The following MEOX2 variants were observed in gnomAD, a reference collection of about 807,000 sequenced individuals.
The protein encoded by MEOX2 is mesenchyme homeobox 2.
MEOX2 carries 11 observed loss-of-function variants against 27.0 expected under a neutral mutation model. That is an observed-to-expected ratio of 0.41 (90% CI 0.26 to 0.68). MEOX2 has a LOEUF of 0.68. Among genes scored for constraint, MEOX2 ranks in the 30% least tolerant of loss-of-function variants. MEOX2 has a pLI of 0.33. For synonymous variants in MEOX2, 189 were observed against 155.4 expected, an observed-to-expected ratio of 1.22 and a Z score of -1.61; for missense variants, 436 against 385.4, an observed-to-expected ratio of 1.13 and a Z score of -1.10.
intron 1 of MEOX2, among the ~76,000 whole-genome samples, chr7:15,630,690 A>G (rs948291704): frequency 2.0e-5 from 3 of 152,028 alleles, no homozygotes; most frequent in African/African-American, 7.2e-5. Context: ...TTCATTATTT[A>G]TTAACAAAAC....
intron 1 of MEOX2, among the ~76,000 whole-genome samples, chr7:15,642,233 C>G (rs1191113448): frequency 1.3e-5 from 2 of 152,158 alleles, no homozygotes; most frequent in African/African-American, 2.4e-5. Flanking sequence ...TTTGTCTTCT[C>G]TCTCTGGAGA....
At position 15,612,373 on chromosome 7, in the gene MEOX2, G is replaced by C. The variant is rs773231199; in HGVS notation, c.*14C>G. ...CATTTCTTTCCTGAGAATGGAGCTG[G>C]TCCTCTGTTTATATCATAAGTGCGC... is the stretch of plus-strand genomic sequence containing the variant. On this transcript the variant is annotated 3_prime_UTR_variant, in exon 3 of 3. Transcript: ENST00000262041. The C allele has an allele frequency of 1.2e-5, 20 of 1,603,576 alleles. No homozygotes were observed. In the East Asian group the frequency reaches 4.5e-4, roughly 36 times the overall value.
intron 1 of MEOX2, among the ~76,000 whole-genome samples, chr7:15,658,461 T>C (rs1199153932): frequency 6.6e-6 from 1 of 152,202 alleles, no homozygotes; most frequent in Non-Finnish European, 1.5e-5. Flanking sequence ...AAACATCTGT[T>C]AGACATTTTT....
At chr7:15,644,735 A>G (rs1562603818) in intron 1 of MEOX2, among the ~76,000 whole-genome samples, 1 of 152,186 alleles carries the variant, frequency 6.6e-6, no homozygotes, top group Non-Finnish European at 1.5e-5. Flanking sequence ...GCAATATATG[A>G]ATCTTTTTCT....
At chr7:15,624,072 T>C (rs1340214503) in intron 2 of MEOX2, among the ~76,000 whole-genome samples, 1 of 152,254 alleles carries the variant, frequency 6.6e-6, no homozygotes, top group African/African-American at 2.4e-5. Context: ...GAGCAGGTTT[T>C]AATTTCCATT....
At chr7:15,645,619 A>G (rs1331709804) in intron 1 of MEOX2, among the ~76,000 whole-genome samples, 1 of 150,514 alleles carries the variant, frequency 6.6e-6, no homozygotes. Context: ...ATTGGTTGGT[A>G]AAAAACACCC....
At position 15,611,686 on chromosome 7, in the gene MEOX2, A is replaced by C. The variant is rs1208097016; in HGVS notation, c.*701T>G. The C allele has an allele frequency of 6.6e-6, 1 of 152,646 alleles. No individual in the cohort carries two copies. Among genetic ancestry groups the C allele is most frequent in the Non-Finnish European group, 1.5e-5 (1 of 68,058 alleles). 9.5% of individuals were successfully genotyped at this position (152,646 alleles called of 1,614,324 possible). On this transcript the variant is annotated 3_prime_UTR_variant, in exon 3 of 3. Transcript: ENST00000262041. The stretch of plus-strand genomic sequence containing the variant: ...CTCTACTGTATTTTTCTCTACTTGA[A>C]CACAGGTAAGCACATACTGATTGTC...
intron 1 of MEOX2, among the ~76,000 whole-genome samples, chr7:15,684,521 T>G (rs1415926583): frequency 6.6e-6 from 1 of 152,188 alleles, no homozygotes; most frequent in Non-Finnish European, 1.5e-5. Flanking sequence ...AGTTAGCTTT[T>G]GAGACCGTGA....
At chr7:15,635,084 T>A (rs57008829) in intron 1 of MEOX2, among the ~76,000 whole-genome samples, 2 of 151,896 alleles carry the variant, frequency 1.3e-5, no homozygotes, top group African/African-American at 4.8e-5. Flanking sequence ...TTAATAAATA[T>A]TAACTTTGTA....
intron 1 of MEOX2, chr7:15,681,031 T>G (rs1782284888): frequency 6.6e-6 from 1 of 150,674 alleles, no homozygotes; most frequent in Non-Finnish European, 1.5e-5. Flanking sequence ...AAAAAAAAAG[T>G]GAGAAAAATA....
At chr7:15,664,216 C>T (rs918653819) in intron 1 of MEOX2, among the ~76,000 whole-genome samples, 3 of 152,074 alleles carry the variant, frequency 2.0e-5, no homozygotes, top group East Asian at 1.9e-4. Context: ...CAAAAATATG[C>T]TTTTAAATTT....
chr7:15,685,865 G>A (rs1406051680), intron 1 of MEOX2, 21 bp downstream of exon 1: 1 of 1,565,268 alleles, frequency 6.4e-7, no homozygotes. Flanking sequence ...GCACTCTCGA[G>A]GGTGCCTGGC....
At chr7:15,617,681 G>A (rs80131614) in intron 2 of MEOX2, among the ~76,000 whole-genome samples, 1 of 151,970 alleles carries the variant, frequency 6.6e-6, no homozygotes, top group Non-Finnish European at 1.5e-5. Flanking sequence ...TGGGGAGGCT[G>A]TGGAGGGTTA....
intron 1 of MEOX2, among the ~76,000 whole-genome samples, chr7:15,652,117 C>A (rs1347807897): frequency 6.6e-6 from 1 of 151,964 alleles, no homozygotes; most frequent in Non-Finnish European, 1.5e-5. Context: ...TGCTTTGAAC[C>A]TATAGGCTTC....
Position 15,665,730 on chromosome 7 carries a change from A to C in MEOX2, c.517+20156T>G, listed in dbSNP as rs562059655. ...TATTCATTCAGATCAAGTGGACATC[A>C]GTAATGTAACATTAATTTTGCTAGA... is the stretch of plus-strand genomic sequence containing the variant. On this transcript the variant is annotated intron_variant, in intron 1 of 2. Coordinates refer to ENST00000262041, the MANE Select transcript of MEOX2 (RefSeq NM_005924.5). Among the ~76,000 whole-genome samples, 3 of 152,356 alleles carry C rather than the reference A, an allele frequency of 2.0e-5. 1 individual carries two copies. The highest frequency in any genetic ancestry group is 7.2e-5 in the African/African-American group (3 of 41,580).
At chr7:15,667,943 C>G (rs1782034898) in intron 1 of MEOX2, 1 of 152,196 alleles carries the variant, frequency 6.6e-6, no homozygotes, top group African/African-American at 2.4e-5. Flanking sequence ...TTCAGCACCT[C>G]TTTAGGACAC....
intron 1 of MEOX2, among the ~76,000 whole-genome samples, chr7:15,669,052 T>C (rs1427309356): frequency 1.3e-5 from 2 of 152,196 alleles, no homozygotes; most frequent in African/African-American, 4.8e-5. Context: ...TTTATTAATC[T>C]AAAGTAAAAA....
chr7:15,686,178 G>GTGA lies in MEOX2; in HGVS notation c.224_225insTCA (p.His80dup). On this transcript the variant is annotated inframe_insertion, in exon 1 of 3. Transcript: ENST00000262041. ...GCTGCTGCTGATGGTGGTGATGGTG[G>GTGA]TGGTGGTGGTGGTGGTGGTGGTGCC... 1 of 826,506 alleles carries GTGA rather than the reference G, an allele frequency of 1.2e-6. No homozygotes were observed. The highest frequency in any genetic ancestry group is 1.8e-6 in the Non-Finnish European group (1 of 561,560). 51.2% of individuals were successfully genotyped at this position (826,506 alleles called of 1,614,324 possible).
rs760439207 is a variant in MEOX2, at chr7:15,686,411, A to C, written c.-9T>G. 10 of 1,559,530 alleles carry C rather than the reference A, an allele frequency of 6.4e-6. No individual in the cohort carries two copies. In the East Asian group the frequency reaches 2.1e-4, roughly 33 times the overall value. On this transcript the variant is annotated 5_prime_UTR_variant, in exon 1 of 3. Transcript: ENST00000262041. ...AAGAGCGGGTGTTCCATAGCATGCA[A>C]GTTTCGGGTTCCAGGCAGAAGACTT... is the stretch of plus-strand genomic sequence containing the variant.
Sources: gnomAD v4.1 joint callset for allele counts (sites outside exome capture counted in the v4.1 genomes callset) on GRCh38, gnomAD v4.1.1 for gene constraint, MANE v1.5 for transcripts, NCBI Gene and HGNC (gene_info 2026-07-23, HGNC 2026-07-21) for gene names.